The following CDKL2 variants were observed in gnomAD, a reference collection of about 807,000 sequenced individuals.
The protein encoded by CDKL2 is cyclin-dependent kinase-like 2.
CDKL2 carries 64 observed loss-of-function variants against 63.9 expected under a neutral mutation model. The observed-to-expected ratio is 1.00, with a 90% CI of 0.82 to 1.23. The LOEUF is 1.23. CDKL2 is among the 50% of genes most tolerant of loss of function. The pLI is 0.00. For missense variants in CDKL2, 656 were observed against 668.0 expected, an observed-to-expected ratio of 0.98 and a Z score of 0.20; for synonymous variants, 211 against 229.2, an observed-to-expected ratio of 0.92 and a Z score of 0.72.
rs1191168729 is a variant in CDKL2, at chr4:75,605,647, C to T, written c.543-13G>A. 27 of 1,574,126 alleles carry T rather than the reference C, an allele frequency of 1.7e-5. No individual in the cohort carries two copies. The highest frequency in any genetic ancestry group is 2.4e-5 in the Non-Finnish European group (27 of 1,144,218). Reference sequence around the variant, plus strand: ...CACATCAACAGCCCTGAAAGAAAAGCAATGTGGTGTAAAATCTGGCATCCT... The same window carrying T: ...CACATCAACAGCCCTGAAAGAAAAGTAATGTGGTGTAAAATCTGGCATCCT... On this transcript the variant is annotated splice_polypyrimidine_tract_variant and intron_variant, in intron 4 of 13. Transcript: ENST00000307465.
chr4:75,584,620 G>A (rs988567913), intron 12 of CDKL2, among the ~76,000 whole-genome samples: 11 of 152,074 alleles, frequency 7.2e-5, no homozygotes, highest in African/African-American at 2.2e-4. Flanking sequence ...GGCCCCCAGC[G>A]GATGCCTGAA....
rs529790120 is a variant in CDKL2 at position 75,599,739 on chromosome 4, T to C, written c.884+542A>G. 3.3e-5 allele frequency among the ~76,000 whole-genome samples: 5 copies of C among 152,270 alleles called. No homozygotes were observed. The South Asian group carries it at 1.0e-3, about 32-fold the overall frequency. On this transcript the variant is annotated intron_variant, in intron 7 of 13. Coordinates refer to ENST00000307465, the MANE Select transcript of CDKL2 (RefSeq NM_001330724.2). ...AGCAAATAGGAAAACCTAGCTACCTTTTATTAAGCTACGTGTTACTGCCAC... is the reference window on the plus strand; with the variant it reads ...AGCAAATAGGAAAACCTAGCTACCTCTTATTAAGCTACGTGTTACTGCCAC...
chr4:75,589,569 G>T (rs1234094766), intron 12 of CDKL2, among the ~76,000 whole-genome samples: 2 of 151,932 alleles, frequency 1.3e-5, no homozygotes, highest in Non-Finnish European at 2.9e-5. Flanking sequence ...CTCCCAAAGT[G>T]CTGGGATTAC....
chr4:75,585,127 T>A (rs1385468375), intron 12 of CDKL2, among the ~76,000 whole-genome samples: 1 of 152,148 alleles, frequency 6.6e-6, no homozygotes, highest in African/African-American at 2.4e-5. Context: ...AACATACGTA[T>A]AAGAAGTTTG....
At position 75,613,803 on chromosome 4, in the gene CDKL2, C is replaced by G. The variant is rs558394243; in HGVS notation, c.363+452G>C. Among the ~76,000 whole-genome samples the G allele has an allele frequency of 1.6e-4, 24 of 152,236 alleles. No individual in the cohort carries two copies. In the East Asian group the frequency reaches 4.4e-3, roughly 28 times the overall value. On this transcript the variant is annotated intron_variant, in intron 3 of 13. Coordinates refer to ENST00000307465, the MANE Select transcript of CDKL2 (RefSeq NM_001330724.2). ...AGGCACGGTGGCTCATGGCTGTAAT[C>G]CCAGCACTTTGGGAGGCCAAGGCAG...
chr4:75,587,303 A>G (rs1388689369), intron 12 of CDKL2, among the ~76,000 whole-genome samples: 3 of 152,002 alleles, frequency 2.0e-5, no homozygotes, highest in Non-Finnish European at 4.4e-5. Flanking sequence ...AAAATACAAA[A>G]ATTAGCCGAG....
At chr4:75,595,604 T>C (rs1461478300) in intron 10 of CDKL2, among the ~76,000 whole-genome samples, 1 of 151,916 alleles carries the variant, frequency 6.6e-6, no homozygotes, top group Non-Finnish European at 1.5e-5. Flanking sequence ...CCAGCAATCA[T>C]CAAGTTGAGA....
chr4:75,592,955 AT>A (rs1728776104), intron 10 of CDKL2, among the ~76,000 whole-genome samples: 1 of 152,154 alleles, frequency 6.6e-6, no homozygotes, highest in Non-Finnish European at 1.5e-5. Flanking sequence ...CTTTTCCAAT[AT>A]TTTTCATTCG....
At chr4:75,626,562 G>T (rs957764424) in intron 1 of CDKL2, among the ~76,000 whole-genome samples, 6 of 151,962 alleles carry the variant, frequency 3.9e-5, no homozygotes, top group African/African-American at 9.7e-5. Context: ...AGCTACTCGG[G>T]AGGCTGAGGC....
At chr4:75,586,890 T>A (rs756185923) in intron 12 of CDKL2, among the ~76,000 whole-genome samples, 49 of 152,086 alleles carry the variant, frequency 3.2e-4, no homozygotes, top group Middle Eastern at 6.8e-3. Flanking sequence ...AACAAAAAAC[T>A]AAGTGACCAA....
chr4:75,605,695 T>A, intron 4 of CDKL2, 61 bp from the exon 5 acceptor site: 2 of 1,063,016 alleles, frequency 1.9e-6, no homozygotes, highest in Non-Finnish European at 2.9e-6. Context: ...AACCCAAAGC[T>A]TTTTGAGCAC....
At position 75,605,519 on chromosome 4, in the gene CDKL2, T is replaced by G; in HGVS notation, c.655+3A>C. On this transcript the variant is annotated splice_donor_region_variant and intron_variant, in intron 5 of 13. Coordinates refer to ENST00000307465, the MANE Select transcript of CDKL2 (RefSeq NM_001330724.2). ...AATTTAAAATGCAGATGTGTAACCT[T>G]ACCTAAACACATCATAATATGATAT... 1 of 1,541,324 alleles carries G rather than the reference T, an allele frequency of 6.5e-7. No homozygotes were observed. Among genetic ancestry groups the G allele is most frequent in the Non-Finnish European group, 9.0e-7 (1 of 1,114,896 alleles).
intron 9 of CDKL2, 141 bp downstream of exon 9, chr4:75,596,794 G>T: frequency 1.4e-6 from 1 of 710,040 alleles, no homozygotes; most frequent in Non-Finnish European, 2.3e-6. Flanking sequence ...CAGCCAAAAA[G>T]TCTTTTGAAA....
chr4:75,605,304 G>T (rs981605441), intron 5 of CDKL2, among the ~76,000 whole-genome samples: 1 of 152,092 alleles, frequency 6.6e-6, no homozygotes, highest in Admixed American at 6.6e-5. Context: ...AGTGAGCCGA[G>T]ATTGCGCCAT....
chr4:75,610,199 T>C (rs1483414149), intron 3 of CDKL2, among the ~76,000 whole-genome samples: 1 of 91,286 alleles, frequency 1.1e-5, no homozygotes, highest in Non-Finnish European at 2.2e-5. Context: ...CGAGCCTCCA[T>C]CTCAAAAAAA....
chr4:75,619,674 C>T (rs578168586), intron 2 of CDKL2, among the ~76,000 whole-genome samples: 35 of 149,264 alleles, frequency 2.3e-4, no homozygotes, highest in African/African-American at 6.4e-4. Flanking sequence ...TGCCCTCTAT[C>T]TGTTGACAAA....
intron 5 of CDKL2, among the ~76,000 whole-genome samples, 166 bp downstream of exon 5, chr4:75,605,356 A>AACACAC (rs140806852): frequency 0.017 from 2,543 of 149,438 alleles, 47 homozygotes; most frequent in African/African-American, 0.046. Context: ...TCCATCTCAA[A>AACACAC]ACACACACAC....
At chr4:75,605,486 A>T in intron 5 of CDKL2, 36 bp downstream of exon 5, 2 of 1,242,692 alleles carry the variant, frequency 1.6e-6, no homozygotes, top group Non-Finnish European at 2.3e-6. Flanking sequence ...ATGCAGAAAA[A>T]TCTCTAAAAT....
At chr4:75,612,587 T>C (rs1729750349) in intron 3 of CDKL2, among the ~76,000 whole-genome samples, 1 of 152,214 alleles carries the variant, frequency 6.6e-6, no homozygotes, top group African/African-American at 2.4e-5. Context: ...GAAGATATCA[T>C]CATTTTTATG....
Sources: allele counts gnomAD v4.1 joint callset (sites outside exome capture counted in the v4.1 genomes callset), GRCh38; gene constraint gnomAD v4.1.1; transcripts MANE v1.5; gene names NCBI Gene and HGNC (gene_info 2026-07-23, HGNC 2026-07-21).